The following FAM117B variants were observed in gnomAD, a reference collection of about 807,000 sequenced individuals.
The protein encoded by FAM117B is protein FAM117B.
FAM117B carries 22 observed loss-of-function variants against 52.8 expected under a neutral mutation model. The observed-to-expected ratio is 0.42, with a 90% CI of 0.30 to 0.59. The LOEUF (loss-of-function observed/expected upper bound fraction) is 0.59, where lower values mean the gene tolerates loss of function less well. Among genes scored for constraint, FAM117B ranks in the 20% least tolerant of loss-of-function variants. FAM117B has a pLI of 0.22. For missense variants in FAM117B, 678 were observed against 802.6 expected (o/e 0.84, Z 1.88); for synonymous variants, 309 against 324.1 (o/e 0.95, Z 0.50).
At chr2:202,721,632 G>T (rs772675255) in intron 2 of FAM117B, among the ~76,000 whole-genome samples, 58 of 152,086 alleles carry the variant, frequency 3.8e-4, no homozygotes, top group Middle Eastern at 3.4e-3. Context: ...GTATGTAGAT[G>T]ACATTATTCC....
chr2:202,678,856 A>G (rs1158673698), intron 1 of FAM117B, among the ~76,000 whole-genome samples: 1 of 152,070 alleles, frequency 6.6e-6, no homozygotes, highest in Non-Finnish European at 1.5e-5. Context: ...CTGCACCCGG[A>G]CAAGGGTGGA....
chr2:202,756,607 C>T (rs1363490639), intron 5 of FAM117B, among the ~76,000 whole-genome samples: 1 of 152,084 alleles, frequency 6.6e-6, no homozygotes, highest in African/African-American at 2.4e-5. Context: ...CAGCTCCCCA[C>T]ACCCTCTCCT....
chr2:202,690,921 A>C (rs1251252446), intron 1 of FAM117B, among the ~76,000 whole-genome samples: 1 of 152,202 alleles, frequency 6.6e-6, no homozygotes, highest in Non-Finnish European at 1.5e-5. Flanking sequence ...ACTTGGATTG[A>C]AATGGAAAAA....
chr2:202,653,289 T>C (rs1056777534), intron 1 of FAM117B, among the ~76,000 whole-genome samples: 1 of 152,104 alleles, frequency 6.6e-6, no homozygotes, highest in African/African-American at 2.4e-5. Context: ...CAATAGCAAC[T>C]AAAGAAACCC....
intron 7 of FAM117B, 133 bp from the exon 8 acceptor site, chr2:202,765,313 G>C (rs1036057098): frequency 4.5e-6 from 4 of 889,150 alleles, no homozygotes; most frequent in Non-Finnish European, 6.8e-6. Flanking sequence ...CAGAGCTTGA[G>C]TTTTATATTC....
intron 1 of FAM117B, among the ~76,000 whole-genome samples, chr2:202,643,371 G>A (rs1689797447): frequency 6.6e-6 from 1 of 152,132 alleles, no homozygotes; most frequent in South Asian, 2.1e-4. Context: ...CAGAAACAAG[G>A]ACATTTTTTT....
At chr2:202,752,317 C>G (rs60050497) in intron 4 of FAM117B, among the ~76,000 whole-genome samples, 3,776 of 152,150 alleles carry the variant, frequency 0.025, 151 homozygotes, top group African/African-American at 0.086. Flanking sequence ...GTGGAGACAT[C>G]CTCTCTCAGC....
At chr2:202,635,860 C>T in intron 1 of FAM117B, 72 bp downstream of exon 1, 3 of 1,323,872 alleles carry the variant, frequency 2.3e-6, no homozygotes, top group African/African-American at 1.5e-5. Flanking sequence ...GCTGCAATCG[C>T]GCGGGGACTG....
rs185372521 is a variant in FAM117B, at chr2:202,749,132, T to C, written c.961-6406T>C. ...GATAAAAATGTGAGGAGTAAAAATA[T>C]TTTACTATTTGGTTTGGCATTATGA... On this transcript the variant is annotated intron_variant, in intron 4 of 7. Transcript: ENST00000392238. 1.6e-3 allele frequency among the ~76,000 whole-genome samples: 250 copies of C among 152,234 alleles called. 5 individuals carry two copies. The highest frequency in any genetic ancestry group is 3.1e-4 in the Non-Finnish European group (21 of 68,026).
At chr2:202,645,584 C>T (rs148507918) in intron 1 of FAM117B, among the ~76,000 whole-genome samples, 80 of 150,870 alleles carry the variant, frequency 5.3e-4, no homozygotes, top group African/African-American at 1.8e-3. Context: ...TCACTGCGCC[C>T]GGCAGCCTGT....
chr2:202,742,846 G>A (rs1226859320), intron 4 of FAM117B, among the ~76,000 whole-genome samples: 2 of 152,186 alleles, frequency 1.3e-5, no homozygotes, highest in Admixed American at 6.5e-5. Flanking sequence ...CCCTCCAGTG[G>A]CATAAGGATG....
intron 2 of FAM117B, among the ~76,000 whole-genome samples, chr2:202,698,537 T>C (rs1394000020): frequency 6.6e-6 from 1 of 152,020 alleles, no homozygotes; most frequent in Non-Finnish European, 1.5e-5. Context: ...ATTCTCCTGT[T>C]TCAGCCTCCC....
intron 7 of FAM117B, among the ~76,000 whole-genome samples, chr2:202,764,928 C>T (rs1691953233): frequency 6.6e-6 from 1 of 152,172 alleles, no homozygotes; most frequent in Non-Finnish European, 1.5e-5. Context: ...AAAGCCAGGC[C>T]TACCATAGTT....
intron 1 of FAM117B, among the ~76,000 whole-genome samples, chr2:202,665,639 C>T (rs1690192308): frequency 6.6e-6 from 1 of 152,090 alleles, no homozygotes; most frequent in Non-Finnish European, 1.5e-5. Flanking sequence ...CTCACTCTAT[C>T]ACCCAGGCTG....
At chr2:202,659,550 A>G (rs957343371) in intron 1 of FAM117B, among the ~76,000 whole-genome samples, 2 of 142,718 alleles carry the variant, frequency 1.4e-5, no homozygotes, top group Non-Finnish European at 1.5e-5. Context: ...GGCTCAAGCG[A>G]TCCACCCCCC....
rs149747057 is a variant in FAM117B at position 202,754,888 on chromosome 2, C to CAAAAAA, written c.961-636_961-631dup. 1.4e-4 allele frequency among the ~76,000 whole-genome samples: 12 copies of CAAAAAA among 85,584 alleles called. 1 individual carries two copies. The highest frequency in any genetic ancestry group is 1.7e-4 in the Non-Finnish European group (8 of 47,732). 56.1% of individuals were successfully genotyped at this position (85,584 alleles called of 152,430 possible). A position where few individuals can be genotyped will look rare whatever the true frequency, so the allele number is the denominator to read the frequency against. On this transcript the variant is annotated intron_variant, in intron 4 of 7. Coordinates refer to ENST00000392238, the MANE Select transcript of FAM117B (RefSeq NM_173511.4). ...CTGGGTGACAGAGTGAGATTCGTCTCAAAAAAAAAAAAAAAAAAAGAGGCT... is the reference window on the plus strand; with the variant it reads ...CTGGGTGACAGAGTGAGATTCGTCTCAAAAAAAAAAAAAAAAAAAAAAAAAGAGGCT...
chr2:202,722,846 ATTTGT>A (rs1346170157), intron 2 of FAM117B, among the ~76,000 whole-genome samples: 5 of 151,970 alleles, frequency 3.3e-5, no homozygotes, highest in Non-Finnish European at 7.4e-5. Context: ...AAAAAAATTC[ATTTGT>A]TAAGGTTTTA....
intron 4 of FAM117B, among the ~76,000 whole-genome samples, chr2:202,752,851 TA>T (rs2105798208): frequency 6.6e-6 from 1 of 152,286 alleles, no homozygotes; most frequent in Admixed American, 6.5e-5. Flanking sequence ...ACTGTGACAA[TA>T]AAAACATTTT....
chr2:202,689,591 G>C (rs77536796), intron 1 of FAM117B, among the ~76,000 whole-genome samples: 178 of 152,156 alleles, frequency 1.2e-3, no homozygotes, highest in Non-Finnish European at 2.1e-3. Flanking sequence ...TTTGCTTGCT[G>C]TTTCTGTGGA....
Sources: allele counts gnomAD v4.1 joint callset (sites outside exome capture counted in the v4.1 genomes callset), GRCh38; gene constraint gnomAD v4.1.1; transcripts MANE v1.5; gene names NCBI Gene and HGNC (gene_info 2026-07-23, HGNC 2026-07-21).